The following PLCL1 variants were observed in gnomAD, a reference collection of about 807,000 sequenced individuals.
PLCL1 encodes phospholipase C like 1 (inactive).
In PLCL1, 41 loss-of-function variants were observed where a neutral mutation model predicts 84.4. The ratio of observed to expected loss-of-function variants is 0.49; its 90% CI spans 0.38 to 0.63. The LOEUF (loss-of-function observed/expected upper bound fraction) is 0.63, where lower values mean the gene tolerates loss of function less well. Ranked by LOEUF, PLCL1 falls within the 30% of genes least tolerant of loss-of-function variation. The probability of loss-of-function intolerance (pLI) is 0.00; values close to 1 mark genes in which losing one functional copy is unlikely to be tolerated. For synonymous variants in PLCL1, 490 were observed against 488.3 expected, an observed-to-expected ratio of 1.00 and a Z score of -0.05; for missense variants, 1,206 against 1,367.8, an observed-to-expected ratio of 0.88 and a Z score of 1.87.
rs74674995 is a variant in PLCL1 at position 198,038,523 on chromosome 2, A to G, written c.241-45235A>G. ...AGTAAAAGTTCTTAAAATATTGTGT[A>G]ATAAATAATATTTGATTTCTATCTA... On this transcript the variant is annotated intron_variant, in intron 1 of 5. Transcript: ENST00000428675. 3.3e-3 allele frequency among the ~76,000 whole-genome samples: 507 copies of G among 152,290 alleles called. 3 individuals are homozygous for G. The highest frequency in any genetic ancestry group is 0.012 in the African/African-American group (479 of 41,572).
chr2:198,130,746 G>T (rs533118513), intron 5 of PLCL1, among the ~76,000 whole-genome samples: 1 of 152,018 alleles, frequency 6.6e-6, no homozygotes, highest in African/African-American at 2.4e-5. Context: ...CCTCTAATTG[G>T]TTAGCAAGCA....
intron 1 of PLCL1, among the ~76,000 whole-genome samples, chr2:198,028,393 A>T (rs1362265655): frequency 1.3e-5 from 2 of 151,992 alleles, no homozygotes; most frequent in Admixed American, 1.3e-4. Flanking sequence ...CTTGCTACGG[A>T]TGTGGGCTTA....
rs112991815 is a variant in PLCL1, at chr2:198,010,341, T to G, written c.241-73417T>G. On this transcript the variant is annotated intron_variant, in intron 1 of 5. Coordinates refer to ENST00000428675, the MANE Select transcript of PLCL1 (RefSeq NM_006226.4). ...TTTTATTATGTTGAGGTAGTTTCCT[T>G]CTATTCCTAGTTTGTTGAGTGTATT... Among the ~76,000 whole-genome samples, 1,453 of 152,138 alleles carry G rather than the reference T, an allele frequency of 9.6e-3. 22 individuals carry two copies. The highest frequency in any genetic ancestry group is 0.031 in the African/African-American group (1,297 of 41,544).
chr2:197,881,803 C>A (rs77722976), intron 1 of PLCL1, among the ~76,000 whole-genome samples: 3 of 152,026 alleles, frequency 2.0e-5, no homozygotes, highest in Non-Finnish European at 2.9e-5. Context: ...TAATATGAAC[C>A]TGCAAGCATT....
intron 5 of PLCL1, among the ~76,000 whole-genome samples, chr2:198,129,970 C>T (rs1034890478): frequency 2.0e-5 from 3 of 152,054 alleles, no homozygotes; most frequent in South Asian, 2.1e-4. Context: ...GAACATTCTA[C>T]GTGGCTAAGC....
intron 1 of PLCL1, among the ~76,000 whole-genome samples, chr2:197,945,817 AC>A (rs1377000450): frequency 6.6e-6 from 1 of 152,212 alleles, no homozygotes; most frequent in Non-Finnish European, 1.5e-5. Flanking sequence ...TTGTTATAGA[AC>A]AAGTGATGAC....
intron 1 of PLCL1, among the ~76,000 whole-genome samples, chr2:197,884,226 T>A (rs565063135): frequency 1.3e-5 from 2 of 152,286 alleles, no homozygotes; most frequent in South Asian, 4.1e-4. Context: ...TAGGCTCCAT[T>A]TAAACTCTTC....
chr2:198,074,365 A>G (rs1381833381), intron 1 of PLCL1, among the ~76,000 whole-genome samples: 3 of 152,244 alleles, frequency 2.0e-5, no homozygotes, highest in Non-Finnish European at 4.4e-5. Flanking sequence ...ATGATAATAA[A>G]TGGCAAAACT....
chr2:198,115,289 T>C (rs764509221), intron 5 of PLCL1, among the ~76,000 whole-genome samples: 26 of 151,824 alleles, frequency 1.7e-4, no homozygotes, highest in Middle Eastern at 3.2e-3. Flanking sequence ...TTTCTCCAGA[T>C]TGGTTAGTGG....
chr2:197,987,953 C>G (rs945918974), intron 1 of PLCL1, among the ~76,000 whole-genome samples: 1 of 152,110 alleles, frequency 6.6e-6, no homozygotes, highest in Non-Finnish European at 1.5e-5. Flanking sequence ...AATTTCAGCA[C>G]TGAGACTGAG....
intron 1 of PLCL1, among the ~76,000 whole-genome samples, chr2:197,887,039 AT>A (rs1687935884): frequency 6.6e-6 from 1 of 152,220 alleles, no homozygotes; most frequent in African/African-American, 2.4e-5. Flanking sequence ...ACAATATTAC[AT>A]TTTAAAATAA....
intron 1 of PLCL1, among the ~76,000 whole-genome samples, chr2:197,944,873 G>C (rs1347202264): frequency 1.3e-5 from 2 of 152,054 alleles, no homozygotes; most frequent in Non-Finnish European, 2.9e-5. Context: ...TCAGATGTTA[G>C]ACTGCAGTCA....
intron 1 of PLCL1, among the ~76,000 whole-genome samples, chr2:197,987,285 A>G (rs1359994373): frequency 3.3e-5 from 5 of 152,168 alleles, no homozygotes; most frequent in Admixed American, 3.3e-4. Flanking sequence ...AAACAATTAC[A>G]TGGATTTAGC....
At chr2:197,839,685 A>G (rs1290885296) in intron 1 of PLCL1, among the ~76,000 whole-genome samples, 2 of 152,372 alleles carry the variant, frequency 1.3e-5, no homozygotes, top group East Asian at 3.9e-4. Context: ...TCAAGAATGC[A>G]GTCCATGATC....
chr2:197,943,015 T>C lies in PLCL1; in HGVS notation c.240+137676T>C, dbSNP rs1418255463. ...TGAGCCTGGGAGTTTGAGAACAGCC[T>C]GGGCAGTATAGTGAGACCTTGTCTG... On this transcript the variant is annotated intron_variant, in intron 1 of 5. Transcript: ENST00000428675. Among the ~76,000 whole-genome samples, 3 of 151,948 alleles carry C rather than the reference T, an allele frequency of 2.0e-5. No homozygotes were observed. The East Asian group carries it at 5.8e-4, about 29-fold the overall frequency.
In PLCL1 at chr2:197,868,106, ATTATC is replaced by A. The variant is rs900794684; in HGVS notation, c.240+62771_240+62775del. ...ACTGTATTATTCATTAGAAATAGGT[ATTATC>A]TTAGCTATTATAACTGCTGGAAGTT... On this transcript the variant is annotated intron_variant, in intron 1 of 5. Coordinates refer to ENST00000428675, the MANE Select transcript of PLCL1 (RefSeq NM_006226.4). Among the ~76,000 whole-genome samples the A allele has an allele frequency of 5.9e-5, 9 of 152,274 alleles. No homozygotes were observed. In the East Asian group the frequency reaches 1.5e-3, roughly 26 times the overall value.
intron 1 of PLCL1, among the ~76,000 whole-genome samples, chr2:197,925,639 G>A (rs1476768467): frequency 2.0e-5 from 3 of 152,168 alleles, no homozygotes; most frequent in Non-Finnish European, 4.4e-5. Flanking sequence ...ATATGTTGTA[G>A]TGGTATTTAC....
At chr2:198,120,771 A>G (rs115281733) in intron 5 of PLCL1, among the ~76,000 whole-genome samples, 1,673 of 152,182 alleles carry the variant, frequency 0.011, 28 homozygotes, top group African/African-American at 0.038. Flanking sequence ...TAGTGCTGCA[A>G]TAAACCTGAG....
At chr2:198,138,554 T>C (rs1574339981) in intron 5 of PLCL1, among the ~76,000 whole-genome samples, 1 of 152,276 alleles carries the variant, frequency 6.6e-6, no homozygotes, top group East Asian at 1.9e-4. Flanking sequence ...TTATTATTAT[T>C]TTTTACAAGA....
Sources: allele counts gnomAD v4.1 joint callset (sites outside exome capture counted in the v4.1 genomes callset), GRCh38; gene constraint gnomAD v4.1.1; transcripts MANE v1.5; gene names NCBI Gene and HGNC (gene_info 2026-07-23, HGNC 2026-07-21).